ADAMTS2: variants seen among roughly 807,000 people sequenced by gnomAD.
ADAMTS2 encodes the protein ADAM metallopeptidase with thrombospondin type 1 motif 2, also known as A disintegrin and metalloproteinase with thrombospondin motifs 2.
A neutral mutation model predicts 123.0 loss-of-function variants in ADAMTS2; 50 were observed. That is an observed-to-expected ratio of 0.41 (90% CI 0.32 to 0.51). ADAMTS2 has a LOEUF of 0.51. ADAMTS2 is among the 20% of genes least tolerant of loss of function. The pLI, the probability that ADAMTS2 is intolerant of heterozygous loss-of-function variation, is 0.35. For synonymous variants in ADAMTS2, 678 were observed against 695.4 expected, an observed-to-expected ratio of 0.98 and a Z score of 0.39; for missense variants, 1,494 against 1,705.2, an observed-to-expected ratio of 0.88 and a Z score of 2.18.
Position 179,110,868 on chromosome 5 carries a change from C to T in ADAMTS2, c.*2999G>A, listed in dbSNP as rs889113338. 6.6e-6 allele frequency: 1 copy of T among 152,196 alleles called. No individual in the cohort carries two copies. The highest frequency in any genetic ancestry group is 2.4e-5 in the African/African-American group (1 of 41,440). The allele number at this position is 152,196 out of a possible 1,614,324, so 9.4% of individuals were successfully genotyped here. The stretch of plus-strand genomic sequence containing the variant: ...AACGCAGGCATGATTTGCAAAAACA[C>T]AGACATTTTAACTTTAATAAGTTAT... On this transcript the variant is annotated 3_prime_UTR_variant, in exon 22 of 22. Transcript: ENST00000251582.
chr5:179,153,719 A>G, intron 8 of ADAMTS2, 96 bp from the exon 9 acceptor site: 1 of 1,486,292 alleles, frequency 6.7e-7, no homozygotes, highest in Non-Finnish European at 9.0e-7. Flanking sequence ...CTGCCATGGC[A>G]GCCCTACCTG....
chr5:179,214,691 T>C (rs1193129898), intron 3 of ADAMTS2, among the ~76,000 whole-genome samples: 5 of 152,058 alleles, frequency 3.3e-5, no homozygotes, highest in Non-Finnish European at 4.4e-5. Flanking sequence ...TAGTATAATA[T>C]AGTCTAAGGT....
chr5:179,145,886 CTTG>C (rs1341566853), intron 10 of ADAMTS2, among the ~76,000 whole-genome samples: 1 of 152,198 alleles, frequency 6.6e-6, no homozygotes, highest in African/African-American at 2.4e-5. Context: ...AAGTTTCGCT[CTTG>C]TTGTCCCGGC....
chr5:179,156,195 C>A (rs1392585432), intron 6 of ADAMTS2, among the ~76,000 whole-genome samples: 1 of 151,966 alleles, frequency 6.6e-6, no homozygotes, highest in Non-Finnish European at 1.5e-5. Context: ...TCTTTGTTTT[C>A]TTCCCTCTTA....
At chr5:179,287,067 A>G (rs1078474) in intron 2 of ADAMTS2, among the ~76,000 whole-genome samples, 3,115 of 152,314 alleles carry the variant, frequency 0.02, 58 homozygotes, top group Admixed American at 0.044. Context: ...CACTCAGCCC[A>G]TAACAGCCTC....
At chr5:179,322,654 G>A (rs959811707) in intron 2 of ADAMTS2, among the ~76,000 whole-genome samples, 12 of 152,210 alleles carry the variant, frequency 7.9e-5, no homozygotes, top group Admixed American at 2.6e-4. Flanking sequence ...ATAAGAACCA[G>A]GACTGAAGGC....
At position 179,314,280 on chromosome 5, in the gene ADAMTS2, C is replaced by G. The variant is rs1033771352; in HGVS notation, c.534+29487G>C. ...CTTGCTCAGCTCGGGGGAAGCACCT[C>G]TCGCCAGCCATCTGGGGCTTGGCTG... On this transcript the variant is annotated intron_variant, in intron 2 of 21. Transcript: ENST00000251582. The surrounding 1 kb of genome is among the most constrained non-coding windows in gnomAD (Gnocchi z 4.5). Among the ~76,000 whole-genome samples the G allele has an allele frequency of 6.6e-6, 1 of 152,194 alleles. No individual in the cohort carries two copies. Among genetic ancestry groups the G allele is most frequent in the Non-Finnish European group, 1.5e-5 (1 of 68,032 alleles).
At position 179,234,903 on chromosome 5, in the gene ADAMTS2, C is replaced by T. The variant is rs1451895865; in HGVS notation, c.689-27188G>A. 6.6e-6 allele frequency among the ~76,000 whole-genome samples: 1 copy of T among 152,198 alleles called. No homozygotes were observed. The highest frequency in any genetic ancestry group is 1.5e-5 in the Non-Finnish European group (1 of 68,044). On this transcript the variant is annotated intron_variant, in intron 3 of 21. Coordinates refer to ENST00000251582, the MANE Select transcript of ADAMTS2 (RefSeq NM_014244.5). The surrounding 1 kb of genome is among the most constrained non-coding windows in gnomAD (Gnocchi z 4.7). ...TCTTCCCAAGCCTAGCAGACCCGTG[C>T]GGGAGTGCGAGCACACTGGCTAGGG...
rs530555519 is a variant in ADAMTS2 at position 179,296,138 on chromosome 5, G to A, written c.535-23074C>T. Among the ~76,000 whole-genome samples, 36 of 150,966 alleles carry A rather than the reference G, an allele frequency of 2.4e-4. 1 individual carries two copies. In the South Asian group the frequency reaches 7.4e-3, roughly 31 times the overall value. Reference sequence around the variant, plus strand: ...GGAGGATGGGGGAGGCCTGAGCCGTGGGGACAGGAGAATGACCACAGGATC... The same window carrying A: ...GGAGGATGGGGGAGGCCTGAGCCGTAGGGACAGGAGAATGACCACAGGATC... On this transcript the variant is annotated intron_variant, in intron 2 of 21. Transcript: ENST00000251582.
chr5:179,161,430 G>A (rs1763589899), intron 5 of ADAMTS2, among the ~76,000 whole-genome samples: 1 of 152,184 alleles, frequency 6.6e-6, no homozygotes, highest in African/African-American at 2.4e-5. Context: ...TATGCTAAAT[G>A]AAATAAGCCA....
At chr5:179,261,705 C>CT (rs1491547078) in intron 3 of ADAMTS2, among the ~76,000 whole-genome samples, 1 of 152,330 alleles carries the variant, frequency 6.6e-6, no homozygotes, top group African/African-American at 2.4e-5. Context: ...GACAGGAAGG[C>CT]TCTGCCTGCA....
intron 2 of ADAMTS2, among the ~76,000 whole-genome samples, chr5:179,316,039 C>T (rs1040443047): frequency 6.6e-6 from 1 of 152,168 alleles, no homozygotes; most frequent in Non-Finnish European, 1.5e-5. Flanking sequence ...CATAGCTAGA[C>T]CCACGATAAT....
At chr5:179,215,679 G>C (rs1300904634) in intron 3 of ADAMTS2, among the ~76,000 whole-genome samples, 1 of 152,184 alleles carries the variant, frequency 6.6e-6, no homozygotes, top group East Asian at 1.9e-4. Flanking sequence ...GGAAACAGAT[G>C]GGCAAGTGGT....
intron 3 of ADAMTS2, among the ~76,000 whole-genome samples, chr5:179,250,710 C>T (rs1765899787): frequency 6.6e-6 from 1 of 152,240 alleles, no homozygotes; most frequent in Admixed American, 6.5e-5. Flanking sequence ...TGGGAGGCCA[C>T]TGGGTTGGTC....
intron 4 of ADAMTS2, among the ~76,000 whole-genome samples, chr5:179,201,405 T>C (rs1284246690): frequency 6.6e-6 from 1 of 152,166 alleles, no homozygotes; most frequent in Non-Finnish European, 1.5e-5. Context: ...GGTGCGATGT[T>C]ATGCAATCAT....
chr5:179,341,240 G>C, intron 2 of ADAMTS2: 1 of 261,284 alleles, frequency 3.8e-6, no homozygotes, highest in Non-Finnish European at 7.7e-6. Flanking sequence ...GGAAAGAAGA[G>C]GCCGGGCGCG....
intron 2 of ADAMTS2, among the ~76,000 whole-genome samples, chr5:179,339,718 G>A (rs965893022): frequency 2.6e-5 from 4 of 152,160 alleles, no homozygotes; most frequent in Non-Finnish European, 5.9e-5. Context: ...TGCGATCCAG[G>A]CAGTGCCAAG....
At chr5:179,310,638 G>C (rs138772146) in intron 2 of ADAMTS2, among the ~76,000 whole-genome samples, 8 of 152,258 alleles carry the variant, frequency 5.3e-5, no homozygotes, top group Non-Finnish European at 7.4e-5. Flanking sequence ...CCGGGAGCTT[G>C]TTAGAGATGC....
rs555824441 is a variant in ADAMTS2 at position 179,285,068 on chromosome 5, G to A, written c.535-12004C>T. Among the ~76,000 whole-genome samples, 1 of 152,258 alleles carries A rather than the reference G, an allele frequency of 6.6e-6. No individual in the cohort carries two copies. The highest frequency in any genetic ancestry group is 2.4e-5 in the African/African-American group (1 of 41,538). Reference sequence around the variant, plus strand: ...GGCTAAGCGAGATACTGCGTCTCTAGCACTGGGCACAGCACGTGATAAATC... The same window carrying A: ...GGCTAAGCGAGATACTGCGTCTCTAACACTGGGCACAGCACGTGATAAATC... On this transcript the variant is annotated intron_variant, in intron 2 of 21. Coordinates refer to ENST00000251582, the MANE Select transcript of ADAMTS2 (RefSeq NM_014244.5). The surrounding 1 kb of genome is among the most constrained non-coding windows in gnomAD (Gnocchi z 4.9).
Sources: gnomAD v4.1 joint callset for allele counts (sites outside exome capture counted in the v4.1 genomes callset) on GRCh38, gnomAD v4.1.1 for gene constraint, Gnocchi (gnomAD v3.1) non-coding constraint, MANE v1.5 for transcripts, NCBI Gene and HGNC (gene_info 2026-07-23, HGNC 2026-07-21) for gene names.